The following LSAMP variants were observed in gnomAD, a reference collection of about 807,000 sequenced individuals.
LSAMP encodes the protein limbic system-associated membrane protein.
LSAMP carries 7 observed loss-of-function variants against 38.6 expected under a neutral mutation model. The observed-to-expected ratio is 0.18, with a 90% confidence interval of 0.10 to 0.34. The LOEUF (loss-of-function observed/expected upper bound fraction) is 0.34, where lower values mean the gene tolerates loss of function less well. Among genes scored for constraint, LSAMP ranks in the 10% least tolerant of loss-of-function variants. LSAMP has a pLI of 1.00. For missense variants in LSAMP, 313 were observed against 420.0 expected (o/e 0.75, Z 2.23); for synonymous variants, 154 against 166.8 (o/e 0.92, Z 0.59).
intron 1 of LSAMP, among the ~76,000 whole-genome samples, chr3:116,108,681 A>T (rs1036083652): frequency 2.0e-5 from 3 of 152,172 alleles, no homozygotes; most frequent in Non-Finnish European, 2.9e-5. Context: ...GAACAGTCCG[A>T]TTTCTAGTGG....
intron 1 of LSAMP, among the ~76,000 whole-genome samples, chr3:116,247,405 A>G (rs1354153921): frequency 6.6e-6 from 1 of 152,238 alleles, no homozygotes; most frequent in East Asian, 1.9e-4. Context: ...ATTGCTATAT[A>G]GGATCAATAT....
chr3:116,398,674 G>A (rs1208332105), intron 1 of LSAMP, among the ~76,000 whole-genome samples: 1 of 152,288 alleles, frequency 6.6e-6, no homozygotes. Flanking sequence ...ATTGGTAGAA[G>A]CATAAAAGAG....
chr3:116,215,984 T>A (rs922140220), intron 1 of LSAMP, among the ~76,000 whole-genome samples: 2 of 152,164 alleles, frequency 1.3e-5, no homozygotes, highest in African/African-American at 2.4e-5. Flanking sequence ...AACAGCTCCT[T>A]GAACAGAAAA....
intron 1 of LSAMP, among the ~76,000 whole-genome samples, chr3:116,374,757 T>C (rs999145268): frequency 4.6e-5 from 7 of 151,900 alleles, no homozygotes; most frequent in African/African-American, 1.7e-4. Context: ...CCATCCAATC[T>C]CTACAATCAT....
intron 2 of LSAMP, among the ~76,000 whole-genome samples, chr3:116,083,541 T>G (rs1249727813): frequency 6.6e-6 from 1 of 152,202 alleles, no homozygotes; most frequent in African/African-American, 2.4e-5. Flanking sequence ...CTGCTATTCT[T>G]TGGTGATATC....
intron 1 of LSAMP, among the ~76,000 whole-genome samples, chr3:116,434,452 C>T (rs2049320626): frequency 1.3e-5 from 2 of 152,144 alleles, no homozygotes; most frequent in South Asian, 4.1e-4. Flanking sequence ...AAACAGGATA[C>T]TTAGCTTAGC....
At chr3:116,235,782 G>T (rs2046459981) in intron 1 of LSAMP, among the ~76,000 whole-genome samples, 1 of 152,118 alleles carries the variant, frequency 6.6e-6, no homozygotes, top group Admixed American at 6.6e-5. Flanking sequence ...TACAATTCCT[G>T]TAACTTCTAT....
intron 1 of LSAMP, among the ~76,000 whole-genome samples, chr3:116,256,875 T>G (rs546861905): frequency 7.9e-5 from 12 of 152,218 alleles, no homozygotes; most frequent in Non-Finnish European, 1.5e-5. Context: ...GCAAAAGCTA[T>G]TGTTCCACAG....
At chr3:115,853,110 A>G (rs2107523842) in intron 3 of LSAMP, among the ~76,000 whole-genome samples, 1 of 152,348 alleles carries the variant, frequency 6.6e-6, no homozygotes, top group East Asian at 1.9e-4. Flanking sequence ...AACATCATCT[A>G]TTACACCATG....
chr3:116,011,471 G>A (rs1940323144), intron 3 of LSAMP, among the ~76,000 whole-genome samples: 1 of 152,110 alleles, frequency 6.6e-6, no homozygotes, highest in Non-Finnish European at 1.5e-5. Context: ...TTTCAAGAGT[G>A]TTCCAGGGAT....
At chr3:116,379,245 G>T (rs577151900) in intron 1 of LSAMP, among the ~76,000 whole-genome samples, 1 of 151,894 alleles carries the variant, frequency 6.6e-6, no homozygotes, top group African/African-American at 2.4e-5. Context: ...AGATATAGTC[G>T]CATATGTTTT....
At chr3:116,204,228 G>A (rs1208023412) in intron 1 of LSAMP, among the ~76,000 whole-genome samples, 10 of 150,802 alleles carry the variant, frequency 6.6e-5, no homozygotes, top group Admixed American at 6.6e-5. Context: ...CATGTCCTTC[G>A]CCCACTTTTT....
chr3:115,959,485 T>G (rs1048878726), intron 3 of LSAMP, among the ~76,000 whole-genome samples: 3 of 152,244 alleles, frequency 2.0e-5, no homozygotes, highest in Non-Finnish European at 4.4e-5. Context: ...GAGGATTTTA[T>G]AACTGAAAGA....
At chr3:115,864,936 T>C (rs1935815572) in intron 3 of LSAMP, among the ~76,000 whole-genome samples, 2 of 152,190 alleles carry the variant, frequency 1.3e-5, no homozygotes, top group Non-Finnish European at 2.9e-5. Flanking sequence ...AAATACATTA[T>C]TATGCAATGT....
intron 3 of LSAMP, among the ~76,000 whole-genome samples, chr3:115,943,697 C>T (rs1472442995): frequency 1.3e-5 from 2 of 152,170 alleles, no homozygotes; most frequent in African/African-American, 2.4e-5. Context: ...AAATCTAATC[C>T]GAAACAGGAA....
chr3:115,889,085 G>A (rs1485988467), intron 3 of LSAMP, among the ~76,000 whole-genome samples: 2 of 151,846 alleles, frequency 1.3e-5, no homozygotes, highest in African/African-American at 4.8e-5. Context: ...TCTCTCTAAA[G>A]CACTCAGAGC....
At chr3:116,387,456 T>C (rs1411329393) in intron 1 of LSAMP, among the ~76,000 whole-genome samples, 1 of 152,168 alleles carries the variant, frequency 6.6e-6, no homozygotes, top group Non-Finnish European at 1.5e-5. Flanking sequence ...AGTTTAAGCA[T>C]TCCAGAACCA....
At chr3:116,159,510 G>T (rs1160617699) in intron 1 of LSAMP, among the ~76,000 whole-genome samples, 1 of 152,000 alleles carries the variant, frequency 6.6e-6, no homozygotes, top group Non-Finnish European at 1.5e-5. Context: ...AAAGCTCAAT[G>T]TCACTGATCA....
At chr3:115,964,343 G>A (rs1938728239) in intron 3 of LSAMP, among the ~76,000 whole-genome samples, 2 of 152,150 alleles carry the variant, frequency 1.3e-5, no homozygotes, top group Non-Finnish European at 2.9e-5. Flanking sequence ...TTGAGAAAAT[G>A]AGTTATGGTA....
Sources: allele counts gnomAD v4.1 joint callset (sites outside exome capture counted in the v4.1 genomes callset), GRCh38; gene constraint gnomAD v4.1.1; transcripts MANE v1.5; gene names NCBI Gene and HGNC (gene_info 2026-07-23, HGNC 2026-07-21).